RGL4: variants seen among roughly 807,000 people sequenced by gnomAD.
The protein encoded by RGL4 is ral-GDS-related protein.
RGL4 carries 41 observed loss-of-function variants against 49.6 expected under a neutral mutation model. The ratio of observed to expected loss-of-function variants is 0.83; its 90% CI spans 0.64 to 1.07. The LOEUF is 1.07. Among genes scored for constraint, RGL4 ranks in the 50% least tolerant of loss-of-function variants. RGL4 has a pLI of 0.00. For synonymous variants in RGL4, 255 were observed against 238.0 expected (o/e 1.07, Z -0.66); for missense variants, 610 against 591.9 (o/e 1.03, Z -0.32).
chr22:23,698,985 T>A lies in RGL4; in HGVS notation c.*102T>A. 1 of 1,560,834 alleles carries A rather than the reference T, an allele frequency of 6.4e-7. No homozygotes were observed. The highest frequency in any genetic ancestry group is 8.7e-7 in the Non-Finnish European group (1 of 1,152,098). ...AGACCGTAGACACCAGGGAACCACA[T>A]CTAGGAGGCTGGCAGCTCAGCTGCA... On this transcript the variant is annotated 3_prime_UTR_variant, in exon 11 of 11. Coordinates refer to ENST00000290691, the MANE Select transcript of RGL4 (RefSeq NM_153615.2).
chr22:23,692,275 C>T (rs1923186536), intron 1 of RGL4, 60 bp from the exon 2 acceptor site: 4 of 1,608,126 alleles, frequency 2.5e-6, no homozygotes, highest in South Asian at 1.1e-5. Flanking sequence ...GCAGGGGTGC[C>T]CTGGAGGGTT....
chr22:23,695,088 C>A, intron 6 of RGL4, 69 bp downstream of exon 6: 3 of 1,184,924 alleles, frequency 2.5e-6, no homozygotes, highest in Non-Finnish European at 3.8e-6. Flanking sequence ...TTTGGAAGGG[C>A]ATTGGACCAG....
At chr22:23,696,785 T>C in intron 7 of RGL4, 97 bp downstream of exon 7, 1 of 1,072,708 alleles carries the variant, frequency 9.3e-7, no homozygotes, top group Non-Finnish European at 1.4e-6. Flanking sequence ...CAGCGGGGGC[T>C]TCCTCCCCAG....
rs60344348 is a variant in RGL4, at chr22:23,695,438, T to TCTGCTGCTG, written c.1086+450_1086+458dup. 441 of 548,612 alleles carry TCTGCTGCTG rather than the reference T, an allele frequency of 8.0e-4. 16 individuals carry two copies. Among genetic ancestry groups the TCTGCTGCTG allele is most frequent in the African/African-American group, 3.3e-3 (161 of 49,484 alleles). 34.0% of individuals were successfully genotyped at this position (548,612 alleles called of 1,614,324 possible). The stretch of plus-strand genomic sequence containing the variant: ...CAGCAATTCCTCAGGAAGCCAGGCC[T>TCTGCTGCTG]CTGCTGCTGCTGCTGCTGCTGCTGC... On this transcript the variant is annotated intron_variant, in intron 6 of 10. Transcript: ENST00000290691.
At position 23,696,748 on chromosome 22, in the gene RGL4, C is replaced by T. The variant is rs548706815; in HGVS notation, c.1161+60C>T. On this transcript the variant is annotated intron_variant, in intron 7 of 10. Coordinates refer to ENST00000290691, the MANE Select transcript of RGL4 (RefSeq NM_153615.2). ...GATCAGAGGACAGGGCTCCCTTCCC[C>T]GCCAGCTGGAGGCCTCCATATCAAG... is the stretch of plus-strand genomic sequence containing the variant. The T allele has an allele frequency of 4.2e-5, 62 of 1,476,080 alleles. No homozygotes were observed. The East Asian group carries it at 9.3e-4, about 22-fold the overall frequency. The allele number at this position is 1,476,080 out of a possible 1,614,324, so 91.4% of individuals were successfully genotyped here.
At chr22:23,697,290 G>T in intron 8 of RGL4, 45 bp downstream of exon 8, 1 of 1,507,736 alleles carries the variant, frequency 6.6e-7, no homozygotes, top group Non-Finnish European at 9.2e-7. Context: ...AGATCCTGAA[G>T]CTTGGGAGGA....
At chr22:23,692,603 G>C (rs1923209133) in intron 2 of RGL4, 66 bp from the exon 3 acceptor site, 25 of 1,577,036 alleles carry the variant, frequency 1.6e-5, no homozygotes, top group Non-Finnish European at 2.0e-5. Flanking sequence ...ATTCCACCCG[G>C]TCATTTCTGT....
Position 23,697,233 on chromosome 22 carries a change from G to C in RGL4, c.1224G>C (p.Pro408=). The stretch of plus-strand genomic sequence containing the variant: ...TACAGAGGCTGGATTCGGCCATCCC[G>C]GACGACCTGGATGTGAGTGAGCCTG... ...TELQRLDSAI[P]DDLDGNTNKR... Residue 408 remains proline (P), a synonymous_variant, in exon 8 of 11, where the codon CCG becomes CCC. Transcript: ENST00000290691. 6.2e-7 allele frequency: 1 copy of C among 1,613,324 alleles called. No homozygotes were observed. The highest frequency in any genetic ancestry group is 8.5e-7 in the Non-Finnish European group (1 of 1,179,454).
chr22:23,698,572 T>A lies in RGL4; in HGVS notation c.1382+239T>A, dbSNP rs759465301. 3 of 719,328 alleles carry A rather than the reference T, an allele frequency of 4.2e-6. No homozygotes were observed. The African/African-American group carries it at 5.2e-5, about 12-fold the overall frequency. The allele number at this position is 719,328 out of a possible 1,614,324, so 44.6% of individuals were successfully genotyped here. On this transcript the variant is annotated intron_variant, in intron 10 of 10. Coordinates refer to ENST00000290691, the MANE Select transcript of RGL4 (RefSeq NM_153615.2). Reference sequence around the variant, plus strand: ...TGGTACAGATGGGGTTTCACGATGATGTCCAGGATCGTCTCAAACTCCTGG... The same window carrying A: ...TGGTACAGATGGGGTTTCACGATGAAGTCCAGGATCGTCTCAAACTCCTGG...
At position 23,694,396 on chromosome 22, in the gene RGL4, C is replaced by T. The variant is rs374820141; in HGVS notation, c.962C>T (p.Ala321Val). 117 of 1,613,984 alleles carry T rather than the reference C, an allele frequency of 7.2e-5. No individual in the cohort carries two copies. In the African/African-American group the frequency reaches 1.2e-3, roughly 17 times the overall value. The change falls in exon 5 of 11, where the codon GCT becomes GTT. Residue 321 changes from alanine (A) to valine (V), a missense_variant. Coordinates refer to ENST00000290691, the MANE Select transcript of RGL4 (RefSeq NM_153615.2). Reference protein sequence around the residue: ...NFSSVHVIVSALCSNPIGQLH... With the variant: ...NFSSVHVIVSVLCSNPIGQLH... ...TCCTCGGTGCACGTCATCGTCTCTG[C>T]TCTGTGCAGCAACCCAATAGGTCAG...
intron 8 of RGL4, among the ~76,000 whole-genome samples, chr22:23,697,614 C>T (rs1923593003): frequency 6.6e-6 from 1 of 152,210 alleles, no homozygotes; most frequent in African/African-American, 2.4e-5. Flanking sequence ...TATGAGAGAC[C>T]TCAGTTTCCC....
rs1431638693 is a variant in RGL4 at position 23,696,283 on chromosome 22, G to A, written c.1087-331G>A. ...CTCACAGGGTAGAAATGAAGTTCAA[G>A]AAAAGAAAGCAATTTGAGGGTGCTC... On this transcript the variant is annotated intron_variant, in intron 6 of 10. Coordinates refer to ENST00000290691, the MANE Select transcript of RGL4 (RefSeq NM_153615.2). The A allele has an allele frequency of 4.0e-6, 5 of 1,246,558 alleles. No individual in the cohort carries two copies. In the African/African-American group the frequency reaches 7.8e-5, roughly 19 times the overall value. 77.2% of individuals were successfully genotyped at this position (1,246,558 alleles called of 1,614,324 possible). A position where few individuals can be genotyped will look rare whatever the true frequency, so the allele number is the denominator to read the frequency against.
In RGL4 at chr22:23,692,686, G is replaced by T. The variant is rs1446892667; in HGVS notation, c.391G>T (p.Gly131Trp). 6.2e-7 allele frequency: 1 copy of T among 1,606,988 alleles called. No homozygotes were observed. The highest frequency in any genetic ancestry group is 8.5e-7 in the Non-Finnish European group (1 of 1,175,862). The change falls in exon 3 of 11, where the codon GGG becomes TGG. Residue 131 changes from glycine to tryptophan, a missense_variant. Coordinates refer to ENST00000290691, the MANE Select transcript of RGL4 (RefSeq NM_153615.2). Reference sequence around the variant, plus strand: ...TTTTCCAGATCCTGCTCCACGTCCTGGGCAACACGCATTAACAATGCCGGC... The same window carrying T: ...TTTTCCAGATCCTGCTCCACGTCCTTGGCAACACGCATTAACAATGCCGGC... The part of the protein sequence containing the change: ...AKPDDPAPRP[G>W]QHALTMPALE...
In RGL4 at chr22:23,692,489, C is replaced by A. The variant is rs778455612; in HGVS notation, c.334C>A (p.Gln112Lys). ...LEDHQEIVLGQLVLPEPNEAK... is the reference protein window; with the variant it reads ...LEDHQEIVLGKLVLPEPNEAK... The stretch of plus-strand genomic sequence containing the variant: ...GGACCATCAGGAAATTGTCCTAGGC[C>A]AGTTGGTGCTTCCGGAGCCCAACGA... Residue 112 changes from glutamine to lysine, a missense_variant, in exon 2 of 11, where the codon CAG (glutamine) becomes AAG (lysine). Physicochemically the swap from Gln to Lys is moderately conservative, Grantham distance 53. Coordinates refer to ENST00000290691, the MANE Select transcript of RGL4 (RefSeq NM_153615.2). 1.9e-6 allele frequency: 3 copies of A among 1,614,144 alleles called. No homozygotes were observed. Among genetic ancestry groups the A allele is most frequent in the Non-Finnish European group, 2.5e-6 (3 of 1,180,010 alleles).
chr22:23,698,398 C>A (rs768205440), intron 10 of RGL4, 65 bp downstream of exon 10: 2 of 1,547,076 alleles, frequency 1.3e-6, no homozygotes, highest in Non-Finnish European at 1.8e-6. Context: ...TTAACATGGT[C>A]TGGCTCTGTC....
chr22:23,694,458 G>C lies in RGL4; in HGVS notation c.1016+8G>C. 6.3e-7 allele frequency: 1 copy of C among 1,594,120 alleles called. No individual in the cohort carries two copies. The highest frequency in any genetic ancestry group is 8.6e-7 in the Non-Finnish European group (1 of 1,162,294). Reference sequence around the variant, plus strand: ...GTGGGCAGGAGTGTCCAGGTGAGGAGGGCTCTCTCCATGGCAGCATCAGGG... The same window carrying C: ...GTGGGCAGGAGTGTCCAGGTGAGGACGGCTCTCTCCATGGCAGCATCAGGG... On this transcript the variant is annotated splice_region_variant and intron_variant, in intron 5 of 10. Coordinates refer to ENST00000290691, the MANE Select transcript of RGL4 (RefSeq NM_153615.2).
intron 5 of RGL4, chr22:23,694,707 C>T: frequency 1.7e-6 from 1 of 593,682 alleles, no homozygotes; most frequent in South Asian, 2.0e-5. Context: ...AGCAGTGGAA[C>T]TCTGTGTCCA....
Position 23,693,824 on chromosome 22 carries a change from G to A in RGL4, c.762G>A (p.Lys254=). 2.5e-6 allele frequency: 4 copies of A among 1,614,106 alleles called. No homozygotes were observed. The East Asian group carries it at 6.7e-5, about 27-fold the overall frequency. ...GCATCTGGGGCCAAGGACATCTGAA[G>A]GGGAATGAGCACATGGCACCCACAG... The part of the protein sequence containing the change: ...LGCIWGQGHL[K]GNEHMAPTVR... The change falls in exon 4 of 11, where the codon AAG becomes AAA. Residue 254 remains lysine, a synonymous_variant. Coordinates refer to ENST00000290691, the MANE Select transcript of RGL4 (RefSeq NM_153615.2).
At chr22:23,696,587 A>G (rs1377569107) in intron 6 of RGL4, 27 bp from the exon 7 acceptor site, 1 of 1,613,306 alleles carries the variant, frequency 6.2e-7, no homozygotes, top group South Asian at 1.1e-5. Context: ...GGAGAGCCTC[A>G]CTGTCCCTGT....
Sources: gnomAD v4.1 joint callset for allele counts (sites outside exome capture counted in the v4.1 genomes callset) on GRCh38, gnomAD v4.1.1 for gene constraint, MANE v1.5 for transcripts, NCBI Gene and HGNC (gene_info 2026-07-23, HGNC 2026-07-21) for gene names.